The following BMPR1A variants were observed in gnomAD, a reference collection of about 807,000 sequenced individuals.
BMPR1A encodes the protein bone morphogenetic protein receptor type-1A.
A neutral mutation model predicts 66.0 loss-of-function variants in BMPR1A; 7 were observed. The ratio of observed to expected loss-of-function variants is 0.11; its 90% confidence interval spans 0.06 to 0.20. The LOEUF is 0.20. Ranked by LOEUF, BMPR1A falls within the 10% of genes least tolerant of loss-of-function variation. The pLI is 1.00. For missense variants in BMPR1A, 408 were observed against 669.1 expected, an observed-to-expected ratio of 0.61 and a Z score of 4.31; for synonymous variants, 200 against 229.7, an observed-to-expected ratio of 0.87 and a Z score of 1.17.
intron 2 of BMPR1A, chr10:86,843,612 TGA>T (rs1842450714): frequency 6.6e-6 from 1 of 152,202 alleles, no homozygotes; most frequent in Non-Finnish European, 1.5e-5. Context: ...GTCCTGTAAC[TGA>T]GAAGCACAGG....
chr10:86,923,310 CT>C (rs1293022679), intron 11 of BMPR1A, 65 bp from the exon 12 acceptor site: 1 of 1,598,712 alleles, frequency 6.3e-7, no homozygotes, highest in Non-Finnish European at 8.6e-7. Flanking sequence ...GCAAAAGATG[CT>C]TACTAGATTG....
chr10:86,756,216 A>G (rs181054687), upstream of BMPR1A: 1 of 152,132 alleles, frequency 6.6e-6, no homozygotes, highest in Non-Finnish European at 1.5e-5. Flanking sequence ...AGCGCCCGGC[A>G]GCCGTGTCCA....
At chr10:86,825,898 C>T (rs1371500217) in intron 1 of BMPR1A, among the ~76,000 whole-genome samples, 1 of 152,186 alleles carries the variant, frequency 6.6e-6, no homozygotes, top group Non-Finnish European at 1.5e-5. Context: ...CTCTGTCATA[C>T]TAACACTGTT....
chr10:86,922,314 T>G (rs181851928), intron 11 of BMPR1A, among the ~76,000 whole-genome samples: 38 of 152,342 alleles, frequency 2.5e-4, no homozygotes, highest in Admixed American at 1.5e-3. Context: ...TGATGGTCAC[T>G]TAGGTTGCTT....
At chr10:86,913,559 A>T (rs1328357195) in intron 8 of BMPR1A, among the ~76,000 whole-genome samples, 1 of 152,208 alleles carries the variant, frequency 6.6e-6, no homozygotes, top group South Asian at 2.1e-4. Context: ...CAATAAAACT[A>T]CTGCAGCCAG....
chr10:86,870,219 C>T (rs1232516482), intron 2 of BMPR1A, among the ~76,000 whole-genome samples: 2 of 152,250 alleles, frequency 1.3e-5, no homozygotes, highest in South Asian at 2.1e-4. Flanking sequence ...CCAAATGTGT[C>T]CTTTAAGTTT....
intron 3 of BMPR1A, among the ~76,000 whole-genome samples, chr10:86,885,460 A>C (rs1843056292): frequency 6.6e-6 from 1 of 152,214 alleles, no homozygotes; most frequent in Admixed American, 6.5e-5. Context: ...CTACTAGCCA[A>C]ATGTGGCTTT....
chr10:86,855,698 A>G, intron 2 of BMPR1A: 1 of 740,356 alleles, frequency 1.4e-6, no homozygotes, highest in South Asian at 1.7e-5. Context: ...GACATCCACT[A>G]CTGTCTGTTC....
chr10:86,776,246 T>C (rs2132680318), intron 1 of BMPR1A, among the ~76,000 whole-genome samples: 1 of 152,328 alleles, frequency 6.6e-6, no homozygotes, highest in East Asian at 1.9e-4. Flanking sequence ...ACAACTGCCC[T>C]AATTTTTAGA....
intron 3 of BMPR1A, among the ~76,000 whole-genome samples, chr10:86,886,446 G>A (rs571958196): frequency 2.6e-5 from 4 of 152,320 alleles, no homozygotes; most frequent in Admixed American, 2.6e-4. Flanking sequence ...ATGGGCCTTG[G>A]TGACAACAGC....
chr10:86,769,189 T>C (rs962744325), intron 1 of BMPR1A, among the ~76,000 whole-genome samples: 1 of 152,230 alleles, frequency 6.6e-6, no homozygotes, highest in Non-Finnish European at 1.5e-5. Flanking sequence ...CTTTTCCTGC[T>C]TTGTACATCA....
upstream of BMPR1A, chr10:86,756,489 G>A (rs1307794044): frequency 6.7e-6 from 1 of 150,346 alleles, no homozygotes; most frequent in Non-Finnish European, 1.5e-5. Context: ...GCGGGGCGGG[G>A]CAGGCGCCCG....
At chr10:86,820,493 G>A (rs7098516) in intron 1 of BMPR1A, among the ~76,000 whole-genome samples, 18,753 of 151,496 alleles carry the variant, frequency 0.12, 1,789 homozygotes, top group African/African-American at 0.27. Context: ...TGTTTCACAC[G>A]AAGTTTTCCC....
intron 8 of BMPR1A, 90 bp from the exon 9 acceptor site, chr10:86,917,044 C>T: frequency 7.0e-7 from 1 of 1,420,010 alleles, no homozygotes; most frequent in Non-Finnish European, 9.8e-7. Context: ...TTGGGTACAC[C>T]ATGCTTTTTG....
chr10:86,835,057 T>A (rs539235546), intron 1 of BMPR1A, among the ~76,000 whole-genome samples: 1 of 151,860 alleles, frequency 6.6e-6, no homozygotes, highest in Non-Finnish European at 1.5e-5. Context: ...CATTACATCT[T>A]GATATCTGGT....
chr10:86,908,195 C>T (rs1325077882), intron 7 of BMPR1A, among the ~76,000 whole-genome samples: 1 of 152,092 alleles, frequency 6.6e-6, no homozygotes, highest in South Asian at 2.1e-4. Context: ...CAGAACAAGG[C>T]CCTGCCTCTT....
At chr10:86,849,231 T>C (rs1225609921) in intron 2 of BMPR1A, among the ~76,000 whole-genome samples, 3 of 152,254 alleles carry the variant, frequency 2.0e-5, no homozygotes, top group Non-Finnish European at 4.4e-5. Flanking sequence ...AAACCAAATA[T>C]AAAACTATAT....
intron 1 of BMPR1A, among the ~76,000 whole-genome samples, chr10:86,835,484 G>C (rs1327426618): frequency 1.5e-5 from 2 of 132,298 alleles, no homozygotes; most frequent in Admixed American, 8.6e-5. Flanking sequence ...CCAGGAGGCA[G>C]AGGTTGCAGT....
At position 86,833,103 on chromosome 10, in the gene BMPR1A, T is replaced by A. The variant is rs538420388; in HGVS notation, c.-267-5762T>A. 9.2e-5 allele frequency among the ~76,000 whole-genome samples: 14 copies of A among 152,214 alleles called. No individual in the cohort carries two copies. In the East Asian group the frequency reaches 2.7e-3, roughly 29 times the overall value. On this transcript the variant is annotated intron_variant, in intron 1 of 12. Transcript: ENST00000372037. ...CTAGCCTGGACAACAGAGTGAGACC[T>A]CACCTCTAAAAGAACAAAGAAAAAA... is the stretch of plus-strand genomic sequence containing the variant.
Sources: allele counts gnomAD v4.1 joint callset (sites outside exome capture counted in the v4.1 genomes callset), GRCh38; gene constraint gnomAD v4.1.1; transcripts MANE v1.5; gene names NCBI Gene and HGNC (gene_info 2026-07-23, HGNC 2026-07-21).